The following CNTN4 variants were observed in gnomAD, a reference collection of about 807,000 sequenced individuals.
The protein encoded by CNTN4 is contactin 4, also known as contactin-4.
In CNTN4, 77 loss-of-function variants were observed where a neutral mutation model predicts 122.5. The observed-to-expected ratio is 0.63, with a 90% CI of 0.52 to 0.76. CNTN4 has a LOEUF of 0.76. CNTN4 is among the 30% of genes least tolerant of loss of function. The probability of loss-of-function intolerance (pLI) is 0.00; values close to 1 mark genes in which losing one functional copy is unlikely to be tolerated. For missense variants in CNTN4, 1,256 were observed against 1,259.1 expected, an observed-to-expected ratio of 1.00 and a Z score of 0.04; for synonymous variants, 512 against 447.0, an observed-to-expected ratio of 1.15 and a Z score of -1.83.
chr3:2,827,093 C>G (rs1247949329), intron 7 of CNTN4, among the ~76,000 whole-genome samples: 1 of 152,150 alleles, frequency 6.6e-6, no homozygotes, highest in African/African-American at 2.4e-5. Flanking sequence ...TATCAGACCT[C>G]CTTGGCTATT....
At chr3:2,651,574 G>C (rs6768500) in intron 4 of CNTN4, among the ~76,000 whole-genome samples, 11,160 of 152,134 alleles carry the variant, frequency 0.073, 566 homozygotes, top group South Asian at 0.25. Context: ...CCAAGGGCCA[G>C]GCACGGTGGC....
Position 2,811,185 on chromosome 3 carries a change from G to A in CNTN4, c.359-8301G>A, listed in dbSNP as rs146707817. Among the ~76,000 whole-genome samples the A allele has an allele frequency of 7.4e-3, 1,128 of 151,952 alleles. 22 individuals carry two copies. The highest frequency in any genetic ancestry group is 0.026 in the African/African-American group (1,076 of 41,470). The stretch of plus-strand genomic sequence containing the variant: ...AGCACTTTGGGAGGCCGAGGCAGGC[G>A]TATCACTTGAAGTCAGGAGTTCGAG... On this transcript the variant is annotated intron_variant, in intron 6 of 24. Transcript: ENST00000418658.
rs1344676318 is a variant in CNTN4, at chr3:2,385,233, G to GT, written c.-89+46006dup. 6.6e-6 allele frequency among the ~76,000 whole-genome samples: 1 copy of GT among 150,996 alleles called. No homozygotes were observed. The highest frequency in any genetic ancestry group is 2.4e-5 in the African/African-American group (1 of 41,284). On this transcript the variant is annotated intron_variant, in intron 3 of 24. Coordinates refer to ENST00000418658, the MANE Select transcript of CNTN4 (RefSeq NM_175607.3). This position sits in a 1 kb window ranked among gnomAD's most constrained non-coding sequence, Gnocchi z 4.0. The stretch of plus-strand genomic sequence containing the variant: ...TGTCTACTACTCAACTTTCTACTCA[G>GT]TTTTTTATTTTTTATTTTTATTTCT...
intron 2 of CNTN4, among the ~76,000 whole-genome samples, chr3:2,143,316 A>C (rs1484378751): frequency 6.6e-6 from 1 of 152,236 alleles, no homozygotes; most frequent in Non-Finnish European, 1.5e-5. Flanking sequence ...TAATGAAGTT[A>C]AACCAAAGTT....
rs1353765653 is a variant in CNTN4, at chr3:2,946,024, A to G, written c.1358+20245A>G. Among the ~76,000 whole-genome samples the G allele has an allele frequency of 1.3e-5, 2 of 152,224 alleles. 1 individual carries two copies. Among genetic ancestry groups the G allele is most frequent in the South Asian group, 4.1e-4 (2 of 4,836 alleles). The stretch of plus-strand genomic sequence containing the variant: ...GTCTCATCTTCTTTCAAGGATGTAT[A>G]TCTTTTCCTGTAGCTAATATAATCT... On this transcript the variant is annotated intron_variant, in intron 13 of 24. Transcript: ENST00000418658.
intron 8 of CNTN4, among the ~76,000 whole-genome samples, chr3:2,882,180 T>C (rs1483100446): frequency 1.3e-5 from 2 of 152,074 alleles, no homozygotes; most frequent in South Asian, 2.1e-4. Context: ...CTGGCCAACA[T>C]GGTGAAACCC....
intron 3 of CNTN4, among the ~76,000 whole-genome samples, chr3:2,383,731 C>T (rs1215311668): frequency 6.7e-6 from 1 of 149,654 alleles, no homozygotes; most frequent in Non-Finnish European, 1.5e-5. Flanking sequence ...TCTGTCTCTC[C>T]CTCTTCTCTC....
intron 4 of CNTN4, among the ~76,000 whole-genome samples, chr3:2,652,075 A>G (rs2083389092): frequency 6.6e-6 from 1 of 151,898 alleles, no homozygotes; most frequent in African/African-American, 2.4e-5. Flanking sequence ...AGTTCTAGCA[A>G]CTTGGTAGGA....
chr3:2,287,402 G>T (rs138701640), intron 2 of CNTN4, among the ~76,000 whole-genome samples: 29 of 151,964 alleles, frequency 1.9e-4, no homozygotes, highest in Non-Finnish European at 3.8e-4. Flanking sequence ...AGAAGTTCCA[G>T]ACCAGCCTAG....
At chr3:2,749,788 T>A (rs781543775) in intron 6 of CNTN4, among the ~76,000 whole-genome samples, 21 of 152,332 alleles carry the variant, frequency 1.4e-4, no homozygotes, top group Non-Finnish European at 2.8e-4. Flanking sequence ...TTTCCCTATC[T>A]TTTGTAAATT....
intron 17 of CNTN4, 76 bp downstream of exon 17, chr3:3,034,866 T>C: frequency 2.7e-6 from 4 of 1,464,872 alleles, no homozygotes; most frequent in Non-Finnish European, 3.8e-6. Context: ...AAGGAACGTC[T>C]AAGTTCTCAT....
intron 6 of CNTN4, among the ~76,000 whole-genome samples, chr3:2,752,602 C>T (rs920477097): frequency 2.2e-4 from 34 of 152,162 alleles, no homozygotes; most frequent in Admixed American, 2.0e-3. Flanking sequence ...CTGCCCATCT[C>T]GGCCTCCCAA....
chr3:2,189,539 C>T (rs1353219516), intron 2 of CNTN4, among the ~76,000 whole-genome samples: 1 of 152,100 alleles, frequency 6.6e-6, no homozygotes, highest in Non-Finnish European at 1.5e-5. Context: ...ATGGAATGGG[C>T]TGAAGGTTGA....
rs958969331 is a variant in CNTN4 at position 2,709,815 on chromosome 3, G to A, written c.56-26400G>A. Among the ~76,000 whole-genome samples the A allele has an allele frequency of 1.2e-4, 18 of 152,080 alleles. No homozygotes were observed. Among genetic ancestry groups the A allele is most frequent in the African/African-American group, 4.3e-4 (18 of 41,418 alleles). On this transcript the variant is annotated intron_variant, in intron 4 of 24. Transcript: ENST00000418658. This position sits in a 1 kb window ranked among gnomAD's most constrained non-coding sequence, Gnocchi z 5.0. Reference sequence around the variant, plus strand: ...TGTAGTCCCAGCTACTTGGGAGGCTGAGCCAGGAGAGCCCGGGAGTCCAGC... The same window carrying A: ...TGTAGTCCCAGCTACTTGGGAGGCTAAGCCAGGAGAGCCCGGGAGTCCAGC...
chr3:2,288,131 G>C (rs1002051363), intron 2 of CNTN4, among the ~76,000 whole-genome samples: 1 of 152,154 alleles, frequency 6.6e-6, no homozygotes, highest in East Asian at 1.9e-4. Flanking sequence ...GCATTTGAAA[G>C]GAAAATAAGG....
chr3:2,735,942 A>G (rs776138014), intron 4 of CNTN4: 1 of 566,982 alleles, frequency 1.8e-6, no homozygotes, highest in East Asian at 4.3e-5. Flanking sequence ...CATAGAAGAG[A>G]GAAAGGGAGA....
intron 4 of CNTN4, among the ~76,000 whole-genome samples, chr3:2,712,338 T>G (rs1048183016): frequency 2.8e-4 from 43 of 152,282 alleles, no homozygotes; most frequent in African/African-American, 9.6e-4. Flanking sequence ...AATTATTACT[T>G]GAACAACTAT....
intron 12 of CNTN4, among the ~76,000 whole-genome samples, chr3:2,916,696 G>A (rs1198859752): frequency 1.5e-5 from 2 of 137,566 alleles, no homozygotes; most frequent in East Asian, 2.4e-4. Context: ...ATCATGGCCC[G>A]TTCTCAATGA....
At chr3:2,145,689 G>C (rs1344320851) in intron 2 of CNTN4, among the ~76,000 whole-genome samples, 1 of 152,174 alleles carries the variant, frequency 6.6e-6, no homozygotes, top group Non-Finnish European at 1.5e-5. Flanking sequence ...AATTAATCAT[G>C]CCAAGCATTA....
Sources: allele counts gnomAD v4.1 joint callset (sites outside exome capture counted in the v4.1 genomes callset), GRCh38; gene constraint gnomAD v4.1.1; non-coding constraint Gnocchi (gnomAD v3.1); transcripts MANE v1.5; gene names NCBI Gene and HGNC (gene_info 2026-07-23, HGNC 2026-07-21).